The following LRP8 variants were observed in gnomAD, a reference collection of about 807,000 sequenced individuals.
LRP8 encodes the protein low-density lipoprotein receptor-related protein 8.
Under a neutral mutation model 111.6 loss-of-function variants are expected in LRP8, and 46 were observed. The observed-to-expected ratio is 0.41, with a 90% CI of 0.33 to 0.53. The LOEUF (loss-of-function observed/expected upper bound fraction) is 0.53. Among genes scored for constraint, LRP8 ranks in the 20% least tolerant of loss-of-function variants. The pLI, the probability that LRP8 is intolerant of heterozygous loss-of-function variation, is 0.20. For missense variants in LRP8, 959 were observed against 1,297.4 expected (o/e 0.74, Z 4.01); for synonymous variants, 464 against 511.2 (o/e 0.91, Z 1.24).
chr1:53,295,613 T>C (rs901144586), intron 2 of LRP8, among the ~76,000 whole-genome samples: 4 of 151,272 alleles, frequency 2.6e-5, no homozygotes, highest in Non-Finnish European at 5.9e-5. Flanking sequence ...AGGGGAGGGG[T>C]AGGGGGCAGG....
At position 53,303,578 on chromosome 1, in the gene LRP8, G is replaced by A. The variant is rs1296229686; in HGVS notation, c.245-13889C>T. On this transcript the variant is annotated intron_variant, in intron 2 of 18. Coordinates refer to ENST00000306052, the MANE Select transcript of LRP8 (RefSeq NM_004631.5). This position sits in a 1 kb window ranked among gnomAD's most constrained non-coding sequence, Gnocchi z 4.3. ...CTCCCTGTCTCAGGATCTGAGAATCGTAAAACACACAATTTACAAGTACTT... is the reference window on the plus strand; with the variant it reads ...CTCCCTGTCTCAGGATCTGAGAATCATAAAACACACAATTTACAAGTACTT... Among the ~76,000 whole-genome samples, 6 of 152,312 alleles carry A rather than the reference G, an allele frequency of 3.9e-5. No homozygotes were observed. Among genetic ancestry groups the A allele is most frequent in the African/African-American group, 9.6e-5 (4 of 41,586 alleles).
At chr1:53,261,291 T>TATA (rs1292765036) in intron 12 of LRP8, among the ~76,000 whole-genome samples, 1 of 152,270 alleles carries the variant, frequency 6.6e-6, no homozygotes, top group Admixed American at 6.5e-5. Context: ...ATGCCATGTA[T>TATA]ATAAACAAGC....
chr1:53,282,336 CTT>C (rs1557798068), intron 3 of LRP8, among the ~76,000 whole-genome samples: 1 of 152,214 alleles, frequency 6.6e-6, no homozygotes, highest in Non-Finnish European at 1.5e-5. Context: ...AGAAATTTCC[CTT>C]GCTCGAGGAT....
intron 1 of LRP8, 118 bp downstream of exon 1, chr1:53,327,671 C>G: frequency 7.7e-7 from 1 of 1,291,962 alleles, no homozygotes; most frequent in Middle Eastern, 3.0e-4. Flanking sequence ...TGGAGCCTGT[C>G]CGCCCGGGAG....
chr1:53,280,444 A>G (rs1647068578), intron 4 of LRP8, 143 bp downstream of exon 4: 1 of 1,007,252 alleles, frequency 9.9e-7, no homozygotes, highest in Admixed American at 2.8e-5. Flanking sequence ...GAATCTAGCC[A>G]TTACTAGTGT....
At chr1:53,260,035 A>T (rs184629885) in intron 13 of LRP8, among the ~76,000 whole-genome samples, 16 of 152,314 alleles carry the variant, frequency 1.1e-4, no homozygotes, top group Admixed American at 8.5e-4. Flanking sequence ...TGGCCCTCGG[A>T]TACATTAGCT....
chr1:53,323,671 A>G (rs1427450791), intron 2 of LRP8, among the ~76,000 whole-genome samples: 1 of 152,224 alleles, frequency 6.6e-6, no homozygotes. Context: ...CGCAAGCTCC[A>G]TCTGTGTCTC....
At chr1:53,290,224 C>G (rs1270017932) in intron 2 of LRP8, among the ~76,000 whole-genome samples, 3 of 152,128 alleles carry the variant, frequency 2.0e-5, no homozygotes, top group African/African-American at 7.2e-5. Context: ...ACACCCAAAT[C>G]AGTCCCTGCC....
rs1342930577 is a variant in LRP8, at chr1:53,317,160, G to GGGGA, written c.244+9709_244+9712dup. ...ATGGCGGCTCAGGGTCCAGGAAGTG[G>GGGGA]GGGAGGGAGGGAGGGGAGGAGTGCT... On this transcript the variant is annotated intron_variant, in intron 2 of 18. Transcript: ENST00000306052. The surrounding 1 kb of genome is among the most constrained non-coding windows in gnomAD (Gnocchi z 4.9). 6.6e-6 allele frequency among the ~76,000 whole-genome samples: 1 copy of GGGGA among 152,132 alleles called. No homozygotes were observed.
intron 2 of LRP8, among the ~76,000 whole-genome samples, chr1:53,296,609 C>T (rs886268549): frequency 6.6e-6 from 1 of 152,238 alleles, no homozygotes; most frequent in Non-Finnish European, 1.5e-5. Flanking sequence ...CAGCCCGCCC[C>T]TGGCCTACTA....
chr1:53,308,778 T>C (rs1652460723), intron 2 of LRP8, among the ~76,000 whole-genome samples: 1 of 152,144 alleles, frequency 6.6e-6, no homozygotes, highest in South Asian at 2.1e-4. Flanking sequence ...CAACTCCAAT[T>C]CCAAAGGAGC....
In LRP8 at chr1:53,249,685, A is replaced by C. The variant is rs1645835985; in HGVS notation, c.2677-129T>G. On this transcript the variant is annotated intron_variant, in intron 17 of 18. Coordinates refer to ENST00000306052, the MANE Select transcript of LRP8 (RefSeq NM_004631.5). This position sits in a 1 kb window ranked among gnomAD's most constrained non-coding sequence, Gnocchi z 4.1. ...CCCCCAAAAAGCCATGCTGTGTTGT[A>C]CCTTCAAGCCTTTGCACATGCCTCT... The C allele has an allele frequency of 2.6e-5, 35 of 1,350,352 alleles. 1 individual carries two copies. The South Asian group carries it at 5.3e-4, about 20-fold the overall frequency. The allele number at this position is 1,350,352 out of a possible 1,614,324, so 83.6% of individuals were successfully genotyped here. A position where few individuals can be genotyped will look rare whatever the true frequency, so the allele number is the denominator to read the frequency against.
chr1:53,251,323 T>C (rs563537402), intron 16 of LRP8, among the ~76,000 whole-genome samples: 29 of 152,214 alleles, frequency 1.9e-4, no homozygotes, highest in African/African-American at 6.7e-4. Context: ...CCTAGATTTC[T>C]CTAAGAAAAC....
intron 2 of LRP8, among the ~76,000 whole-genome samples, chr1:53,312,729 T>G (rs1433763056): frequency 6.6e-6 from 1 of 152,066 alleles, no homozygotes; most frequent in Non-Finnish European, 1.5e-5. Flanking sequence ...GAGGACCTCC[T>G]GGGGACCTGA....
At chr1:53,278,697 C>T (rs1158290676) in intron 4 of LRP8, among the ~76,000 whole-genome samples, 2 of 151,670 alleles carry the variant, frequency 1.3e-5, no homozygotes, top group African/African-American at 4.8e-5. Context: ...CCCCACCCAA[C>T]TTGTGCATGT....
At chr1:53,280,789 C>T in intron 3 of LRP8, 74 bp from the exon 4 acceptor site, 2 of 1,572,476 alleles carry the variant, frequency 1.3e-6, no homozygotes, top group Admixed American at 1.7e-5. Flanking sequence ...TCCTACCACC[C>T]TGTTCCAGCC....
intron 2 of LRP8, among the ~76,000 whole-genome samples, chr1:53,304,351 G>A (rs1378970614): frequency 5.9e-5 from 9 of 152,180 alleles, no homozygotes; most frequent in Admixed American, 5.9e-4. Flanking sequence ...GCAGGCCCAC[G>A]CGCAGCCACT....
chr1:53,246,897 CACACACACACAT>C lies in LRP8; in HGVS notation c.*109_*120del. The C allele has an allele frequency of 1.3e-6, 1 of 792,792 alleles. No individual in the cohort carries two copies. The highest frequency in any genetic ancestry group is 2.3e-4 in the Middle Eastern group (1 of 4,388). 49.1% of individuals were successfully genotyped at this position (792,792 alleles called of 1,614,324 possible). A position where few individuals can be genotyped will look rare whatever the true frequency, so the allele number is the denominator to read the frequency against. ...CGCAACATAAATTTAAAAAAAAAAT[CACACACACACAT>C]ACACTCACACAGACCCATATATAGA... On this transcript the variant is annotated 3_prime_UTR_variant, in exon 19 of 19. Coordinates refer to ENST00000306052, the MANE Select transcript of LRP8 (RefSeq NM_004631.5).
chr1:53,321,157 C>A (rs960310897), intron 2 of LRP8, among the ~76,000 whole-genome samples: 5 of 152,178 alleles, frequency 3.3e-5, no homozygotes, highest in Non-Finnish European at 7.3e-5. Flanking sequence ...ACAAGGCTGG[C>A]GGAGTGCACA....
Sources: gnomAD v4.1 joint callset for allele counts (sites outside exome capture counted in the v4.1 genomes callset) on GRCh38, gnomAD v4.1.1 for gene constraint, Gnocchi (gnomAD v3.1) non-coding constraint, MANE v1.5 for transcripts, NCBI Gene and HGNC (gene_info 2026-07-23, HGNC 2026-07-21) for gene names.